CTDP1: variants seen among roughly 807,000 people sequenced by gnomAD.
CTDP1 encodes CTD phosphatase 1.
In CTDP1, 47 loss-of-function variants were observed where a neutral mutation model predicts 91.8. The ratio of observed to expected loss-of-function variants is 0.51; its 90% confidence interval spans 0.41 to 0.65. The LOEUF (loss-of-function observed/expected upper bound fraction) is 0.65, where lower values mean the gene tolerates loss of function less well. Among genes scored for constraint, CTDP1 ranks in the 30% least tolerant of loss-of-function variants. The pLI is 0.00. For synonymous variants in CTDP1, 656 were observed against 598.5 expected (o/e 1.10, Z -1.40); for missense variants, 1,272 against 1,373.7 (o/e 0.93, Z 1.17).
Position 79,715,014 on chromosome 18 carries a change from G to A in CTDP1, c.1554G>A (p.Glu518=), listed in dbSNP as rs953904224. The A allele has an allele frequency of 6.3e-7, 1 of 1,596,300 alleles. No individual in the cohort carries two copies. Among genetic ancestry groups the A allele is most frequent in the Non-Finnish European group, 8.5e-7 (1 of 1,172,654 alleles). ...PAAPSLPGEA[E]PGAHAPDKEP... ...CACCGAGTCTCCCCGGAGAGGCCGAGCCTGGCGCGCATGCCCCGGACAAGG... is the reference window on the plus strand; with the variant it reads ...CACCGAGTCTCCCCGGAGAGGCCGAACCTGGCGCGCATGCCCCGGACAAGG... Residue 518 remains glutamate, a synonymous_variant, in exon 8 of 13, where the codon GAG becomes GAA. Coordinates refer to ENST00000613122, the MANE Select transcript of CTDP1 (RefSeq NM_004715.5).
intron 12 of CTDP1, among the ~76,000 whole-genome samples, chr18:79,743,207 G>C (rs1403525647): frequency 3.3e-5 from 5 of 151,592 alleles, no homozygotes; most frequent in Non-Finnish European, 5.9e-5. Context: ...TGTTGGGTTT[G>C]TAGCATGCAT....
upstream of CTDP1, chr18:79,679,269 C>G (rs1020331918): frequency 2.6e-6 from 1 of 388,774 alleles, no homozygotes; most frequent in South Asian, 1.8e-5. Context: ...CCCCCAAGCT[C>G]CCGCGGCGTG....
rs1297175821 is a variant in CTDP1, at chr18:79,695,892, G to C, written c.399-85G>C. 9 of 1,083,832 alleles carry C rather than the reference G, an allele frequency of 8.3e-6. No individual in the cohort carries two copies. The East Asian group carries it at 1.9e-4, about 23-fold the overall frequency. The allele number at this position is 1,083,832 out of a possible 1,614,324, so 67.1% of individuals were successfully genotyped here. ...GCAGCGTGTGTCCGTTAAAACATCA[G>C]CTAGAATCCTGTCACTTAGAGCCCA... On this transcript the variant is annotated intron_variant, in intron 2 of 12. Coordinates refer to ENST00000613122, the MANE Select transcript of CTDP1 (RefSeq NM_004715.5).
chr18:79,706,585 T>C (rs1222060795), intron 5 of CTDP1, among the ~76,000 whole-genome samples: 7 of 152,174 alleles, frequency 4.6e-5, no homozygotes, highest in Non-Finnish European at 2.9e-5. Context: ...TAATTTTGCC[T>C]AGTTTGTCTT....
intron 12 of CTDP1, among the ~76,000 whole-genome samples, chr18:79,747,400 A>G (rs917996066): frequency 1.3e-5 from 2 of 152,230 alleles, no homozygotes; most frequent in Non-Finnish European, 2.9e-5. Context: ...ACTGGGACTC[A>G]GGTGCAGACG....
chr18:79,735,163 G>A (rs2086640693), intron 11 of CTDP1, among the ~76,000 whole-genome samples: 1 of 152,014 alleles, frequency 6.6e-6, no homozygotes, highest in East Asian at 1.9e-4. Flanking sequence ...CGACTGCTCC[G>A]AACCGCGCCT....
intron 11 of CTDP1, among the ~76,000 whole-genome samples, chr18:79,730,827 C>G (rs2086551458): frequency 6.6e-6 from 1 of 152,228 alleles, no homozygotes; most frequent in African/African-American, 2.4e-5. Flanking sequence ...CAGTGGACAC[C>G]TGGATTTTGG....
chr18:79,726,246 C>T (rs1190000381), intron 10 of CTDP1, among the ~76,000 whole-genome samples: 1 of 152,156 alleles, frequency 6.6e-6, no homozygotes, highest in Non-Finnish European at 1.5e-5. Context: ...CACAGCCTTC[C>T]TCTGTCTCCT....
intron 6 of CTDP1, 22 bp from the exon 7 acceptor site, chr18:79,712,950 A>G: frequency 6.2e-7 from 1 of 1,612,424 alleles, no homozygotes; most frequent in South Asian, 1.1e-5. Context: ...ATTTTTTGTA[A>G]ATTATGCATT....
chr18:79,689,191 C>T (rs893038416), intron 1 of CTDP1, among the ~76,000 whole-genome samples: 1 of 152,180 alleles, frequency 6.6e-6, no homozygotes, highest in African/African-American at 2.4e-5. Context: ...GTATCATTGC[C>T]TGGTTTAGTA....
intron 10 of CTDP1, among the ~76,000 whole-genome samples, chr18:79,728,279 T>C (rs1018619291): frequency 1.3e-5 from 2 of 152,118 alleles, no homozygotes; most frequent in Non-Finnish European, 2.9e-5. Context: ...TTTGTATTTT[T>C]AGTAGAGATG....
Position 79,696,021 on chromosome 18 carries a change from C to T in CTDP1, c.443C>T (p.Ala148Val). The change falls in exon 3 of 13, where the codon GCG becomes GTG. Residue 148 changes from alanine to valine, a missense_variant. Ala to Val is a moderately conservative substitution (Grantham distance 64, BLOSUM62 0). Around this residue, in one of 3 missense-constraint regions of CTDP1, gnomAD observed 177 missense variants for 283.0 expected, o/e 0.63. Transcript: ENST00000613122. ...NGKQQVPLSTATVSMVHSVPE... is the reference protein window; with the variant it reads ...NGKQQVPLSTVTVSMVHSVPE... Reference sequence around the variant, plus strand: ...AAGCAGCAGGTGCCGCTGTCCACGGCGACCGTGTCCATGGTGCACAGCGTG... The same window carrying T: ...AAGCAGCAGGTGCCGCTGTCCACGGTGACCGTGTCCATGGTGCACAGCGTG... 6.2e-7 allele frequency: 1 copy of T among 1,612,548 alleles called. No individual in the cohort carries two copies. Among genetic ancestry groups the T allele is most frequent in the South Asian group, 1.1e-5 (1 of 91,080 alleles).
At chr18:79,717,378 T>G in intron 8 of CTDP1, among the ~76,000 whole-genome samples, 157 bp from the exon 9 acceptor site, 1 of 142,336 alleles carries the variant, frequency 7.0e-6, no homozygotes, top group Admixed American at 7.0e-5. Context: ...CCTGCAGGGG[T>G]GCAGTCAGGT....
intron 3 of CTDP1, among the ~76,000 whole-genome samples, chr18:79,696,981 G>A (rs189578351): frequency 3.2e-4 from 48 of 152,348 alleles, no homozygotes; most frequent in African/African-American, 1.1e-3. Flanking sequence ...TAGTAAATTC[G>A]TGCTTTTAAA....
At chr18:79,739,405 GTT>G (rs150573212) in intron 12 of CTDP1, among the ~76,000 whole-genome samples, 3 of 144,150 alleles carry the variant, frequency 2.1e-5, no homozygotes, top group Admixed American at 6.9e-5. Context: ...GGTTTTTGTG[GTT>G]TTTTTTTTTT....
intron 4 of CTDP1, among the ~76,000 whole-genome samples, chr18:79,703,983 C>T (rs1178328454): frequency 1.3e-5 from 2 of 151,990 alleles, no homozygotes; most frequent in Non-Finnish European, 2.9e-5. Flanking sequence ...GTTAGTGTAG[C>T]TGTCATCGGT....
intron 10 of CTDP1, among the ~76,000 whole-genome samples, chr18:79,724,661 A>G (rs922446607): frequency 6.6e-6 from 1 of 152,348 alleles, no homozygotes; most frequent in South Asian, 2.1e-4. Flanking sequence ...GGTCTTTGGC[A>G]GAGCAAAAGT....
intron 4 of CTDP1, among the ~76,000 whole-genome samples, chr18:79,699,515 G>A (rs979548320): frequency 1.3e-5 from 2 of 151,592 alleles, no homozygotes; most frequent in African/African-American, 4.9e-5. Context: ...CGCCTGCCTC[G>A]GCCTCCCAAA....
At position 79,713,960 on chromosome 18, in the gene CTDP1, G is replaced by A. The variant is rs949765687; in HGVS notation, c.1031-531G>A. Among the ~76,000 whole-genome samples the A allele has an allele frequency of 3.5e-5, 5 of 144,274 alleles. No homozygotes were observed. Among genetic ancestry groups the A allele is most frequent in the Admixed American group, 6.8e-5 (1 of 14,666 alleles). The allele number at this position is 144,274 out of a possible 152,430, so 94.6% of individuals were successfully genotyped here. ...CAGGTCTGCAGGGGCTTACGGCCAC[G>A]GTGGCGCCAGGTCTGCAGGGGCTTA... On this transcript the variant is annotated intron_variant, in intron 7 of 12. Coordinates refer to ENST00000613122, the MANE Select transcript of CTDP1 (RefSeq NM_004715.5). The surrounding 1 kb of genome is among the most constrained non-coding windows in gnomAD (Gnocchi z 4.7).
Sources: allele counts gnomAD v4.1 joint callset (sites outside exome capture counted in the v4.1 genomes callset), GRCh38; gene constraint gnomAD v4.1.1; regional missense constraint gnomAD v4.1.1; non-coding constraint Gnocchi (gnomAD v3.1); transcripts MANE v1.5; gene names NCBI Gene and HGNC (gene_info 2026-07-23, HGNC 2026-07-21).